CADPS: variants seen among roughly 807,000 people sequenced by gnomAD.
CADPS encodes the protein calcium dependent secretion activator.
CADPS carries 57 observed loss-of-function variants against 167.3 expected under a neutral mutation model. The observed-to-expected ratio is 0.34, with a 90% confidence interval of 0.28 to 0.42. The LOEUF is 0.42. Among genes scored for constraint, CADPS ranks in the 20% least tolerant of loss-of-function variants. CADPS has a pLI of 1.00. For missense variants in CADPS, 1,414 were observed against 1,738.1 expected (o/e 0.81, Z 3.32); for synonymous variants, 676 against 635.3 (o/e 1.06, Z -0.96).
At chr3:62,646,716 G>C (rs1277237313) in intron 5 of CADPS, among the ~76,000 whole-genome samples, 1 of 152,188 alleles carries the variant, frequency 6.6e-6, no homozygotes, top group East Asian at 1.9e-4. Context: ...TTGTTGCCTT[G>C]TCTTTTCTCA....
At chr3:62,546,912 T>C (rs2076538032) in intron 11 of CADPS, among the ~76,000 whole-genome samples, 1 of 152,186 alleles carries the variant, frequency 6.6e-6, no homozygotes, top group African/African-American at 2.4e-5. Context: ...AAGACTGTAT[T>C]CCCTCATATC....
chr3:62,586,229 T>C (rs1446474421), intron 7 of CADPS, among the ~76,000 whole-genome samples: 1 of 152,254 alleles, frequency 6.6e-6, no homozygotes, highest in East Asian at 1.9e-4. Flanking sequence ...GCTTCTGTGA[T>C]GGCAGCACGC....
chr3:62,410,352 A>G (rs1039611442), intron 28 of CADPS, among the ~76,000 whole-genome samples: 4 of 152,328 alleles, frequency 2.6e-5, no homozygotes, highest in Admixed American at 6.5e-5. Context: ...TATATTAGGA[A>G]AGCAAAGCAT....
intron 13 of CADPS, among the ~76,000 whole-genome samples, chr3:62,521,235 A>C (rs567747592): frequency 6.6e-6 from 1 of 152,260 alleles, no homozygotes; most frequent in South Asian, 2.1e-4. Flanking sequence ...AAAAAATATT[A>C]GGTGGGTGGT....
chr3:62,599,762 G>GTATATACAA (rs2059553815), intron 6 of CADPS, among the ~76,000 whole-genome samples: 2 of 3,008 alleles, frequency 6.6e-4, no homozygotes, highest in African/African-American at 9.4e-4. Context: ...TATATATATT[G>GTATATACAA]TATATATAAT....
intron 6 of CADPS, among the ~76,000 whole-genome samples, chr3:62,605,245 A>G: frequency 1.2e-3 from 2 of 1,680 alleles, no homozygotes; most frequent in Admixed American, 9.4e-3. Context: ...AAATGAGGGG[A>G]AAAACAAAAA....
intron 22 of CADPS, among the ~76,000 whole-genome samples, chr3:62,481,417 T>C (rs2061998626): frequency 6.6e-6 from 1 of 152,226 alleles, no homozygotes; most frequent in Non-Finnish European, 1.5e-5. Flanking sequence ...TTTGGATGTC[T>C]AGCTCCTAAA....
chr3:62,477,325 T>G (rs1180392892), intron 23 of CADPS, among the ~76,000 whole-genome samples: 1 of 151,952 alleles, frequency 6.6e-6, no homozygotes, highest in African/African-American at 2.4e-5. Context: ...TTTTTTTTTT[T>G]TTTTGAATGA....
intron 1 of CADPS, among the ~76,000 whole-genome samples, chr3:62,803,810 C>T (rs1003976201): frequency 1.2e-4 from 18 of 152,102 alleles, no homozygotes; most frequent in Non-Finnish European, 1.3e-4. Context: ...TTCAGGGTAA[C>T]TTCAAGTTCT....
At chr3:62,610,739 C>G (rs1171025706) in intron 6 of CADPS, among the ~76,000 whole-genome samples, 3 of 152,102 alleles carry the variant, frequency 2.0e-5, no homozygotes, top group African/African-American at 7.2e-5. Flanking sequence ...GTGAGACCCC[C>G]TCTTCTGGCT....
intron 1 of CADPS, among the ~76,000 whole-genome samples, chr3:62,854,511 A>C (rs950826266): frequency 1.3e-5 from 2 of 152,226 alleles, no homozygotes; most frequent in Non-Finnish European, 2.9e-5. Flanking sequence ...TCTGCTGTCA[A>C]GGAATATCTC....
At chr3:62,711,157 G>C (rs2083323459) in intron 3 of CADPS, among the ~76,000 whole-genome samples, 1 of 152,110 alleles carries the variant, frequency 6.6e-6, no homozygotes, top group South Asian at 2.1e-4. Context: ...ATATTATAAA[G>C]GCATCCAATT....
At position 62,707,936 on chromosome 3, in the gene CADPS, T is replaced by C. The variant is rs947399077; in HGVS notation, c.888+45505A>G. Among the ~76,000 whole-genome samples, 13 of 125,476 alleles carry C rather than the reference T, an allele frequency of 1.0e-4. No homozygotes were observed. The South Asian group carries it at 3.1e-3, about 30-fold the overall frequency. The allele number at this position is 125,476 out of a possible 152,430, so 82.3% of individuals were successfully genotyped here. ...CACAGTACTGTTTTTGTTTTTGTTTTTGTTTGGAGACAGAGTCTCTACTCT... is the reference window on the plus strand; with the variant it reads ...CACAGTACTGTTTTTGTTTTTGTTTCTGTTTGGAGACAGAGTCTCTACTCT... On this transcript the variant is annotated intron_variant, in intron 3 of 29. Transcript: ENST00000383710.
intron 3 of CADPS, among the ~76,000 whole-genome samples, chr3:62,667,710 T>C (rs1201221639): frequency 6.6e-6 from 1 of 152,092 alleles, no homozygotes; most frequent in East Asian, 1.9e-4. Flanking sequence ...TGATCATGTG[T>C]TCCCAGGAAC....
intron 6 of CADPS, among the ~76,000 whole-genome samples, chr3:62,612,056 A>T (rs888125929): frequency 3.9e-5 from 6 of 152,210 alleles, no homozygotes; most frequent in African/African-American, 1.4e-4. Flanking sequence ...ACACTTAACA[A>T]ATATTTTTGA....
intron 7 of CADPS, among the ~76,000 whole-genome samples, chr3:62,592,011 G>A (rs1562585091): frequency 6.6e-6 from 1 of 152,060 alleles, no homozygotes; most frequent in Non-Finnish European, 1.5e-5. Flanking sequence ...AAGTCTTTTT[G>A]GCACATTTCT....
chr3:62,532,561 C>G (rs1175256281), intron 13 of CADPS, among the ~76,000 whole-genome samples: 1 of 152,050 alleles, frequency 6.6e-6, no homozygotes, highest in East Asian at 1.9e-4. Context: ...ACGAGAAAAC[C>G]GTGGCACAAA....
In CADPS at chr3:62,875,166, A is replaced by G; in HGVS notation, c.-137T>C. 8.6e-7 allele frequency: 1 copy of G among 1,163,500 alleles called. No individual in the cohort carries two copies. Among genetic ancestry groups the G allele is most frequent in the African/African-American group, 1.6e-5 (1 of 61,504 alleles). The allele number at this position is 1,163,500 out of a possible 1,614,324, so 72.1% of individuals were successfully genotyped here. ...TCAGGGAGCGAGAGCGCTGCTGCTC[A>G]GCCTCGGCCGCCGCGACTGATCCTC... On this transcript the variant is annotated 5_prime_UTR_variant, in exon 1 of 30. Coordinates refer to ENST00000383710, the MANE Select transcript of CADPS (RefSeq NM_003716.4).
chr3:62,842,209 G>C (rs759106194), intron 1 of CADPS, among the ~76,000 whole-genome samples: 19 of 152,188 alleles, frequency 1.2e-4, no homozygotes, highest in Non-Finnish European at 2.8e-4. Flanking sequence ...CAGTGCCAAC[G>C]CTTTACGTAT....
Sources: allele counts gnomAD v4.1 joint callset (sites outside exome capture counted in the v4.1 genomes callset), GRCh38; gene constraint gnomAD v4.1.1; transcripts MANE v1.5; gene names NCBI Gene and HGNC (gene_info 2026-07-23, HGNC 2026-07-21).